PTPRD: variants seen among roughly 807,000 people sequenced by gnomAD.
PTPRD encodes receptor-type tyrosine-protein phosphatase delta.
PTPRD carries 34 observed loss-of-function variants against 214.5 expected under a neutral mutation model. The observed-to-expected ratio is 0.16, with a 90% CI of 0.12 to 0.21. PTPRD has a LOEUF of 0.21. Ranked by LOEUF, PTPRD falls within the 10% of genes least tolerant of loss-of-function variation. The pLI, the probability that PTPRD is intolerant of heterozygous loss-of-function variation, is 1.00. For missense variants in PTPRD, 2,545 were observed against 2,398.7 expected, an observed-to-expected ratio of 1.06 and a Z score of -1.27; for synonymous variants, 1,128 against 845.7, an observed-to-expected ratio of 1.33 and a Z score of -5.79.
chr9:9,983,966 T>C (rs1169993255), intron 4 of PTPRD, among the ~76,000 whole-genome samples: 4 of 152,194 alleles, frequency 2.6e-5, no homozygotes, highest in Admixed American at 6.5e-5. Context: ...TGATTTAGTA[T>C]GCCTATTCCT....
chr9:8,557,371 C>T (rs1441496260), intron 14 of PTPRD, among the ~76,000 whole-genome samples: 3 of 150,724 alleles, frequency 2.0e-5, no homozygotes, highest in Non-Finnish European at 4.4e-5. Flanking sequence ...GATACCTATT[C>T]TAGTCCATTC....
At chr9:8,908,508 G>A (rs973773045) in intron 11 of PTPRD, among the ~76,000 whole-genome samples, 1 of 151,790 alleles carries the variant, frequency 6.6e-6, no homozygotes, top group Non-Finnish European at 1.5e-5. Context: ...GGGTAAAGAA[G>A]AAATTTAAAA....
chr9:8,455,010 T>C (rs1043628248), intron 33 of PTPRD, among the ~76,000 whole-genome samples: 19 of 152,274 alleles, frequency 1.2e-4, no homozygotes, highest in Admixed American at 5.2e-4. Context: ...TAAAAGAAAT[T>C]CGTTCATTTA....
chr9:9,887,538 G>T lies in PTPRD; in HGVS notation c.-368+50969C>A, dbSNP rs542996408. On this transcript the variant is annotated intron_variant, in intron 5 of 45. Coordinates refer to ENST00000381196, the MANE Select transcript of PTPRD (RefSeq NM_002839.4). ...TTATGGTAAAGCCCATCATCAAGGGGCAGAACAACATTAGATGTTAAACTT... is the reference window on the plus strand; with the variant it reads ...TTATGGTAAAGCCCATCATCAAGGGTCAGAACAACATTAGATGTTAAACTT... 1.3e-4 allele frequency among the ~76,000 whole-genome samples: 20 copies of T among 152,212 alleles called. No individual in the cohort carries two copies. In the South Asian group the frequency reaches 4.1e-3, roughly 32 times the overall value.
In PTPRD at chr9:8,317,951, G is replaced by C; in HGVS notation, c.5671-9C>G. On this transcript the variant is annotated splice_polypyrimidine_tract_variant and intron_variant, in intron 45 of 45. Coordinates refer to ENST00000381196, the MANE Select transcript of PTPRD (RefSeq NM_002839.4). ...GAAAACTGATATTGATCCTGCAGGAGACAATGAATGGGGAGAAGCAAAAGA... is the reference window on the plus strand; with the variant it reads ...GAAAACTGATATTGATCCTGCAGGACACAATGAATGGGGAGAAGCAAAAGA... The C allele has an allele frequency of 3.7e-6, 6 of 1,611,024 alleles. No individual in the cohort carries two copies. The highest frequency in any genetic ancestry group is 5.1e-6 in the Non-Finnish European group (6 of 1,177,866).
chr9:10,478,778 A>G (rs575727911), intron 2 of PTPRD, among the ~76,000 whole-genome samples: 123 of 151,730 alleles, frequency 8.1e-4, no homozygotes, highest in African/African-American at 2.9e-3. Flanking sequence ...GTTGAGGAAA[A>G]TTTCAGAAAC....
intron 7 of PTPRD, among the ~76,000 whole-genome samples, chr9:9,691,951 G>A (rs969928942): frequency 6.6e-6 from 1 of 151,834 alleles, no homozygotes; most frequent in Admixed American, 6.6e-5. Flanking sequence ...GAAATATTTT[G>A]CCCATTTTTC....
At chr9:9,389,506 A>C (rs1371841449) in intron 9 of PTPRD, among the ~76,000 whole-genome samples, 1 of 152,194 alleles carries the variant, frequency 6.6e-6, no homozygotes, top group African/African-American at 2.4e-5. Context: ...ACTCCATCTC[A>C]AAATAATAAT....
At position 8,518,056 on chromosome 9, in the gene PTPRD, A is replaced by G. The variant is rs200537516; in HGVS notation, c.1335T>C (p.Asn445=). The G allele has an allele frequency of 2.9e-4, 464 of 1,614,158 alleles. No homozygotes were observed. The highest frequency in any genetic ancestry group is 1.6e-3 in the Middle Eastern group (10 of 6,062). ...LVQWKEPEEP[N]GQIQGYRVYY... ...AAACTCTATATCCTTGGATCTGTCC[A>G]TTTGGCTCTTCAGGTTCCTTCCACT... The change falls in exon 21 of 46, where the codon AAT becomes AAC. Residue 445 remains asparagine, a synonymous_variant. Transcript: ENST00000381196.
At chr9:9,614,327 A>T (rs890049209) in intron 7 of PTPRD, among the ~76,000 whole-genome samples, 13 of 152,152 alleles carry the variant, frequency 8.5e-5, no homozygotes, top group Non-Finnish European at 1.9e-4. Context: ...ATTTGCAAAG[A>T]TTCTTACTTT....
At chr9:8,665,414 G>C (rs866797341) in intron 12 of PTPRD, among the ~76,000 whole-genome samples, 3 of 152,142 alleles carry the variant, frequency 2.0e-5, no homozygotes, top group African/African-American at 7.2e-5. Context: ...CTTCAAAACA[G>C]AGAAAAGAAT....
intron 5 of PTPRD, among the ~76,000 whole-genome samples, chr9:9,927,389 A>G (rs575989229): frequency 2.1e-4 from 32 of 152,092 alleles, no homozygotes; most frequent in Non-Finnish European, 4.1e-4. Context: ...CTACATTCAA[A>G]TTCACCATTT....
At chr9:8,392,194 A>G (rs958055904) in intron 36 of PTPRD, among the ~76,000 whole-genome samples, 1 of 152,032 alleles carries the variant, frequency 6.6e-6, no homozygotes, top group Non-Finnish European at 1.5e-5. Flanking sequence ...AGCCAGTCTG[A>G]GCAACATGGT....
intron 12 of PTPRD, among the ~76,000 whole-genome samples, chr9:8,669,922 GT>G (rs1283533710): frequency 2.0e-5 from 3 of 152,160 alleles, no homozygotes; most frequent in Non-Finnish European, 2.9e-5. Flanking sequence ...GCAAGTCCCT[GT>G]GAAATGATGT....
intron 11 of PTPRD, among the ~76,000 whole-genome samples, chr9:9,008,826 A>T (rs184441314): frequency 1.3e-5 from 2 of 152,188 alleles, no homozygotes; most frequent in Admixed American, 1.3e-4. Context: ...CCCTTGTAAA[A>T]CCTTATGTTT....
chr9:9,957,875 C>A (rs1038081664), intron 4 of PTPRD, among the ~76,000 whole-genome samples: 1 of 149,790 alleles, frequency 6.7e-6, no homozygotes, highest in Non-Finnish European at 1.5e-5. Flanking sequence ...CACTATAAGA[C>A]AGGGTGAGAA....
intron 4 of PTPRD, among the ~76,000 whole-genome samples, chr9:10,001,114 T>A (rs2096299425): frequency 6.6e-6 from 1 of 152,056 alleles, no homozygotes; most frequent in Non-Finnish European, 1.5e-5. Context: ...CTCCACTCCT[T>A]AAAACCACTC....
chr9:10,214,911 G>C (rs1472561873), intron 3 of PTPRD, among the ~76,000 whole-genome samples: 1 of 151,970 alleles, frequency 6.6e-6, no homozygotes, highest in Non-Finnish European at 1.5e-5. Flanking sequence ...ATACATCTTG[G>C]TTATTTTACT....
intron 3 of PTPRD, among the ~76,000 whole-genome samples, chr9:10,084,178 T>A (rs866230276): frequency 5.3e-5 from 8 of 152,046 alleles, no homozygotes; most frequent in Non-Finnish European, 1.2e-4. Flanking sequence ...TTAAGTGTTG[T>A]TTTGTTAGAA....
Sources: gnomAD v4.1 joint callset for allele counts (sites outside exome capture counted in the v4.1 genomes callset) on GRCh38, gnomAD v4.1.1 for gene constraint, MANE v1.5 for transcripts, NCBI Gene and HGNC (gene_info 2026-07-23, HGNC 2026-07-21) for gene names.